The following GMDS variants were observed in gnomAD, a reference collection of about 807,000 sequenced individuals.
GMDS encodes the protein GDP-mannose 4,6 dehydratase.
GMDS carries 20 observed loss-of-function variants against 49.9 expected under a neutral mutation model. The ratio of observed to expected loss-of-function variants is 0.40; its 90% CI spans 0.28 to 0.58. The LOEUF (loss-of-function observed/expected upper bound fraction) is 0.58. Among genes scored for constraint, GMDS ranks in the 20% least tolerant of loss-of-function variants. The pLI, the probability that GMDS is intolerant of heterozygous loss-of-function variation, is 0.42. For missense variants in GMDS, 362 were observed against 481.4 expected (o/e 0.75, Z 2.32); for synonymous variants, 177 against 178.6 (o/e 0.99, Z 0.07).
At chr6:2,054,929 TA>T (rs1289395987) in intron 4 of GMDS, among the ~76,000 whole-genome samples, 2 of 152,082 alleles carry the variant, frequency 1.3e-5, no homozygotes, top group South Asian at 2.1e-4. Context: ...AACCAGCTGC[TA>T]TAAGTTTCAT....
intron 7 of GMDS, among the ~76,000 whole-genome samples, chr6:1,886,222 G>A (rs950829887): frequency 2.0e-5 from 3 of 152,082 alleles, no homozygotes; most frequent in African/African-American, 7.2e-5. Context: ...AATCCACTGG[G>A]CATATACTTT....
intron 1 of GMDS, among the ~76,000 whole-genome samples, chr6:2,149,634 G>A (rs553713015): frequency 1.6e-4 from 25 of 152,274 alleles, no homozygotes; most frequent in Non-Finnish European, 3.2e-4. Context: ...GCTCTTGCGT[G>A]GATTCAAGGA....
At chr6:1,914,120 G>GTTTT (rs1198007340) in intron 7 of GMDS, among the ~76,000 whole-genome samples, 2 of 110,316 alleles carry the variant, frequency 1.8e-5, no homozygotes, top group African/African-American at 3.8e-5. Context: ...TCATGAAAGC[G>GTTTT]TTTTTTGTTT....
At chr6:1,776,454 G>A (rs751812628) in intron 7 of GMDS, among the ~76,000 whole-genome samples, 19 of 151,822 alleles carry the variant, frequency 1.3e-4, no homozygotes, top group South Asian at 6.2e-4. Flanking sequence ...TTGGGGGGCC[G>A]AGGCATGGAG....
intron 9 of GMDS, among the ~76,000 whole-genome samples, chr6:1,630,116 G>A (rs148426607): frequency 6.6e-6 from 1 of 152,130 alleles, no homozygotes; most frequent in African/African-American, 2.4e-5. Context: ...CATAAAACAA[G>A]AATTGTAGTT....
intron 7 of GMDS, among the ~76,000 whole-genome samples, chr6:1,781,540 T>G (rs1030151780): frequency 6.6e-6 from 1 of 152,192 alleles, no homozygotes; most frequent in Non-Finnish European, 1.5e-5. Context: ...GTGTGAAGCC[T>G]GAACTCTAGG....
intron 9 of GMDS, among the ~76,000 whole-genome samples, chr6:1,659,967 C>T (rs1213618713): frequency 6.6e-6 from 1 of 151,722 alleles, no homozygotes; most frequent in Non-Finnish European, 1.5e-5. Flanking sequence ...CCTGGGCTCC[C>T]TGTGGTGCAC....
intron 7 of GMDS, among the ~76,000 whole-genome samples, chr6:1,876,213 G>A (rs112379700): frequency 0.01 from 1,580 of 151,496 alleles, 22 homozygotes; most frequent in African/African-American, 0.036. Context: ...AGCCGAGATC[G>A]CACCACTGCA....
chr6:2,202,613 C>G (rs1391377191), intron 1 of GMDS, among the ~76,000 whole-genome samples: 1 of 152,028 alleles, frequency 6.6e-6, no homozygotes, highest in African/African-American at 2.4e-5. Flanking sequence ...AAGGTGGGAA[C>G]AGTCACGGTA....
chr6:1,998,368 GC>G (rs986217504), intron 4 of GMDS, among the ~76,000 whole-genome samples: 33 of 152,136 alleles, frequency 2.2e-4, no homozygotes, highest in Admixed American at 2.2e-3. Flanking sequence ...GTCACTATGA[GC>G]TCCCTAGTAA....
At chr6:2,225,592 G>A (rs531307320) in intron 1 of GMDS, among the ~76,000 whole-genome samples, 8 of 152,164 alleles carry the variant, frequency 5.3e-5, no homozygotes, top group Non-Finnish European at 8.8e-5. Flanking sequence ...TAGATTTTCC[G>A]GCTTGCATCC....
intron 4 of GMDS, among the ~76,000 whole-genome samples, chr6:2,108,463 T>C (rs1774362860): frequency 6.6e-6 from 1 of 152,156 alleles, no homozygotes; most frequent in Non-Finnish European, 1.5e-5. Flanking sequence ...CTGTTGTCTG[T>C]ATATATTATA....
At chr6:2,212,609 AT>A (rs1780114903) in intron 1 of GMDS, among the ~76,000 whole-genome samples, 1 of 151,312 alleles carries the variant, frequency 6.6e-6, no homozygotes. Context: ...GTTATTAAGA[AT>A]TGCTGGAGAA....
At chr6:1,866,290 C>T (rs1174252629) in intron 7 of GMDS, among the ~76,000 whole-genome samples, 1 of 152,152 alleles carries the variant, frequency 6.6e-6, no homozygotes, top group East Asian at 1.9e-4. Context: ...TATGAATCTG[C>T]AATGCTGCAG....
chr6:2,230,497 A>C (rs1453838239), intron 1 of GMDS, among the ~76,000 whole-genome samples: 1 of 152,206 alleles, frequency 6.6e-6, no homozygotes, highest in Non-Finnish European at 1.5e-5. Flanking sequence ...CCTAGATAAA[A>C]TACTTCCTTG....
At chr6:2,081,773 G>A (rs1003684770) in intron 4 of GMDS, among the ~76,000 whole-genome samples, 1 of 152,030 alleles carries the variant, frequency 6.6e-6, no homozygotes, top group Admixed American at 6.6e-5. Flanking sequence ...ATTCAGCGTA[G>A]GTGAATGACC....
intron 9 of GMDS, among the ~76,000 whole-genome samples, chr6:1,646,735 T>G (rs1397021832): frequency 6.6e-6 from 1 of 152,132 alleles, no homozygotes; most frequent in Non-Finnish European, 1.5e-5. Flanking sequence ...ATTTCCCATT[T>G]TTTTCCACCT....
At chr6:2,170,898 G>A (rs1405882196) in intron 1 of GMDS, among the ~76,000 whole-genome samples, 1 of 151,918 alleles carries the variant, frequency 6.6e-6, no homozygotes, top group Non-Finnish European at 1.5e-5. Flanking sequence ...GGGAGGCTGA[G>A]GCAGGAGAAT....
intron 9 of GMDS, among the ~76,000 whole-genome samples, chr6:1,655,594 C>G (rs977964909): frequency 6.6e-6 from 1 of 152,016 alleles, no homozygotes; most frequent in Non-Finnish European, 1.5e-5. Flanking sequence ...GCCTCCGCCT[C>G]CCAGGTTCAA....
Sources: allele counts gnomAD v4.1 joint callset (sites outside exome capture counted in the v4.1 genomes callset), GRCh38; gene constraint gnomAD v4.1.1; transcripts MANE v1.5; gene names NCBI Gene and HGNC (gene_info 2026-07-23, HGNC 2026-07-21).